The following ARHGEF3 variants were observed in gnomAD, a reference collection of about 807,000 sequenced individuals.
ARHGEF3 encodes 59.8 kDA protein.
In ARHGEF3, 28 loss-of-function variants were observed where a neutral mutation model predicts 63.2. That is an observed-to-expected ratio of 0.44 (90% confidence interval 0.33 to 0.61). The LOEUF (loss-of-function observed/expected upper bound fraction) is 0.61, where lower values mean the gene tolerates loss of function less well. Among genes scored for constraint, ARHGEF3 ranks in the 20% least tolerant of loss-of-function variants. The probability of loss-of-function intolerance (pLI) is 0.03; values close to 1 mark genes in which losing one functional copy is unlikely to be tolerated. For synonymous variants in ARHGEF3, 266 were observed against 254.2 expected, an observed-to-expected ratio of 1.05 and a Z score of -0.44; for missense variants, 533 against 659.3, an observed-to-expected ratio of 0.81 and a Z score of 2.10.
chr3:56,754,006 G>C (rs928733375), intron 3 of ARHGEF3, among the ~76,000 whole-genome samples: 39 of 152,190 alleles, frequency 2.6e-4, no homozygotes, highest in African/African-American at 8.7e-4. Flanking sequence ...CTCGACAGAA[G>C]GCGAATCTCA....
intron 8 of ARHGEF3, among the ~76,000 whole-genome samples, chr3:56,735,654 A>G (rs541028881): frequency 4.1e-4 from 63 of 152,318 alleles, no homozygotes; most frequent in African/African-American, 1.5e-3. Flanking sequence ...ACGTTCAAGG[A>G]GCTTGGTGTA....
At chr3:56,808,650 T>C (rs2037954441) in intron 4 of ARHGEF3, among the ~76,000 whole-genome samples, 1 of 151,876 alleles carries the variant, frequency 6.6e-6, no homozygotes, top group South Asian at 2.1e-4. Flanking sequence ...CAAATTTTTT[T>C]GTTTTTTCAA....
intron 2 of ARHGEF3, among the ~76,000 whole-genome samples, chr3:56,998,538 C>T (rs1181196935): frequency 6.6e-6 from 1 of 152,012 alleles, no homozygotes. Flanking sequence ...GTGCTATGAG[C>T]TCCTTCATGA....
intron 3 of ARHGEF3, among the ~76,000 whole-genome samples, chr3:56,920,142 A>G (rs182169884): frequency 5.9e-5 from 9 of 152,276 alleles, no homozygotes; most frequent in Non-Finnish European, 1.2e-4. Context: ...AACCTACAAA[A>G]TTCTGGGGGC....
chr3:57,006,398 A>G (rs1456150268), intron 2 of ARHGEF3, among the ~76,000 whole-genome samples: 3 of 152,278 alleles, frequency 2.0e-5, no homozygotes, highest in Non-Finnish European at 2.9e-5. Context: ...GCTTCCCTCA[A>G]AGAAACCCCA....
chr3:56,853,868 A>G (rs1006257990), intron 4 of ARHGEF3, among the ~76,000 whole-genome samples: 1 of 152,024 alleles, frequency 6.6e-6, no homozygotes, highest in Non-Finnish European at 1.5e-5. Context: ...CCTCTGTTTG[A>G]GGGTCAGGGG....
At chr3:57,005,837 T>G (rs1277342980) in intron 2 of ARHGEF3, among the ~76,000 whole-genome samples, 2 of 152,254 alleles carry the variant, frequency 1.3e-5, no homozygotes, top group East Asian at 3.8e-4. Context: ...GAAGGTTACA[T>G]GCCCTGGAAC....
chr3:56,735,184 T>G (rs1220074952), intron 8 of ARHGEF3, among the ~76,000 whole-genome samples: 1 of 152,136 alleles, frequency 6.6e-6, no homozygotes, highest in Non-Finnish European at 1.5e-5. Flanking sequence ...CTCGGGAAGC[T>G]GAGGCAGGAG....
At chr3:56,968,251 T>C (rs1700729725) in intron 2 of ARHGEF3, among the ~76,000 whole-genome samples, 1 of 44,788 alleles carries the variant, frequency 2.2e-5, no homozygotes, top group Non-Finnish European at 4.3e-5. Context: ...TATATTAATA[T>C]ATAATATTTA....
intron 2 of ARHGEF3, among the ~76,000 whole-genome samples, chr3:56,992,230 G>A (rs74994912): frequency 0.023 from 3,507 of 151,812 alleles, 135 homozygotes; most frequent in African/African-American, 0.081. Flanking sequence ...ATTTTGCCCA[G>A]GCTAAGTATA....
At chr3:56,799,254 A>T (rs1268913326) in intron 1 of ARHGEF3, among the ~76,000 whole-genome samples, 2 of 152,142 alleles carry the variant, frequency 1.3e-5, no homozygotes, top group Non-Finnish European at 2.9e-5. Flanking sequence ...TCCCCAGTAC[A>T]CTTGCTGCAA....
chr3:57,063,486 G>A (rs917778425), intron 1 of ARHGEF3, among the ~76,000 whole-genome samples: 14 of 152,174 alleles, frequency 9.2e-5, no homozygotes, highest in Admixed American at 2.0e-4. Flanking sequence ...TGGTAGGAGC[G>A]GGAGGGGAGC....
chr3:56,881,427 A>T (rs954285171), intron 4 of ARHGEF3, among the ~76,000 whole-genome samples: 2 of 151,908 alleles, frequency 1.3e-5, no homozygotes, highest in African/African-American at 4.8e-5. Flanking sequence ...CTGAATTCCT[A>T]CTCCACCCCC....
chr3:56,741,184 C>CCTT lies in ARHGEF3; in HGVS notation c.871-3830_871-3829insAAG, dbSNP rs754074079. Among the ~76,000 whole-genome samples the CCTT allele has an allele frequency of 8.1e-3, 1,039 of 128,852 alleles. 18 individuals are homozygous for CCTT. The highest frequency in any genetic ancestry group is 0.028 in the African/African-American group (975 of 34,362). The allele number at this position is 128,852 out of a possible 152,430, so 84.5% of individuals were successfully genotyped here. A position where few individuals can be genotyped will look rare whatever the true frequency, so the allele number is the denominator to read the frequency against. ...AGAATCTTATCTCTCTGCTTTGGTT[C>CCTT]TTTTTTTTTTTTTTTTTGGAGACTG... On this transcript the variant is annotated intron_variant, in intron 7 of 9. Coordinates refer to ENST00000296315, the MANE Select transcript of ARHGEF3 (RefSeq NM_019555.3).
At chr3:56,937,071 G>T (rs1172553616) in intron 3 of ARHGEF3, among the ~76,000 whole-genome samples, 1 of 152,142 alleles carries the variant, frequency 6.6e-6, no homozygotes. Context: ...GGGACGAGGG[G>T]AGTATCTGAG....
At chr3:56,864,236 A>G (rs1412376317) in intron 4 of ARHGEF3, among the ~76,000 whole-genome samples, 1 of 152,230 alleles carries the variant, frequency 6.6e-6, no homozygotes, top group East Asian at 1.9e-4. Context: ...CTTTGAAGCT[A>G]TGTGTGGTCT....
intron 2 of ARHGEF3, among the ~76,000 whole-genome samples, chr3:56,757,913 G>A (rs1202968944): frequency 9.9e-5 from 15 of 151,152 alleles, no homozygotes; most frequent in Non-Finnish European, 1.9e-4. Context: ...TAGAAAAGAC[G>A]GGGTTTCACT....
At chr3:57,075,172 T>C (rs1177404808) in intron 1 of ARHGEF3, 1 of 167,280 alleles carries the variant, frequency 6.0e-6, no homozygotes, top group Middle Eastern at 3.4e-3. Context: ...AAAGACCTTC[T>C]CTGACTGAAG....
chr3:56,848,126 G>C (rs1397404844), intron 4 of ARHGEF3, among the ~76,000 whole-genome samples: 1 of 152,134 alleles, frequency 6.6e-6, no homozygotes, highest in African/African-American at 2.4e-5. Flanking sequence ...TGACATTTAA[G>C]CTACCTTAGG....
Sources: gnomAD v4.1 joint callset for allele counts (sites outside exome capture counted in the v4.1 genomes callset) on GRCh38, gnomAD v4.1.1 for gene constraint, MANE v1.5 for transcripts, NCBI Gene and HGNC (gene_info 2026-07-23, HGNC 2026-07-21) for gene names.